The following CD36 variants were observed in gnomAD, a reference collection of about 807,000 sequenced individuals.
CD36 encodes CD36 molecule (CD36 blood group).
CD36 carries 119 observed loss-of-function variants against 55.2 expected under a neutral mutation model. The ratio of observed to expected loss-of-function variants is 2.15; its 90% CI spans 1.86 to 2.51. The LOEUF (loss-of-function observed/expected upper bound fraction) is 2.51. Ranked by LOEUF, CD36 falls within the 30% of genes most tolerant of loss-of-function variation. CD36 has a pLI of 0.00. For synonymous variants in CD36, 186 were observed against 193.6 expected (o/e 0.96, Z 0.33); for missense variants, 819 against 555.5 (o/e 1.47, Z -4.77).
intron 10 of CD36, 106 bp downstream of exon 10, chr7:80,671,270 T>C: frequency 4.3e-6 from 3 of 699,892 alleles, no homozygotes; most frequent in Non-Finnish European, 7.2e-6. Context: ...AAATATATCA[T>C]AATTTGTGAT....
chr7:80,675,807 T>C (rs571497051), intron 14 of CD36, among the ~76,000 whole-genome samples: 21 of 152,266 alleles, frequency 1.4e-4, no homozygotes, highest in Non-Finnish European at 1.8e-4. Flanking sequence ...CTTTAATGTG[T>C]GGTTTTACTC....
At chr7:80,623,915 GCAGCT>G (rs1303608471) in intron 1 of CD36, 2 of 152,196 alleles carry the variant, frequency 1.3e-5, no homozygotes, top group Non-Finnish European at 2.9e-5. Flanking sequence ...AGGGTGAAGA[GCAGCT>G]CATTTTTAAG....
intron 3 of CD36, among the ~76,000 whole-genome samples, chr7:80,654,404 G>A (rs1406755888): frequency 1.3e-5 from 2 of 152,156 alleles, no homozygotes; most frequent in Non-Finnish European, 2.9e-5. Flanking sequence ...TGAATAACAG[G>A]TATTGTTTTT....
upstream of CD36, among the ~76,000 whole-genome samples, chr7:80,637,548 G>T (rs1245031228): frequency 6.6e-6 from 1 of 150,842 alleles, no homozygotes; most frequent in Non-Finnish European, 1.5e-5. Flanking sequence ...AAAAATTCTT[G>T]AGGAGAAAAG....
At chr7:80,662,930 A>T in intron 5 of CD36, 60 bp from the exon 6 acceptor site, 1 of 1,342,404 alleles carries the variant, frequency 7.4e-7, no homozygotes, top group Non-Finnish European at 1.1e-6. Flanking sequence ...CATTTAATCC[A>T]TTTATTTGTT....
rs1395286674 is a variant in CD36, at chr7:80,646,774, G to A, written c.34G>A (p.Gly12Arg). 2.5e-5 allele frequency: 40 copies of A among 1,613,974 alleles called. No individual in the cohort carries two copies. Among genetic ancestry groups the A allele is most frequent in the Non-Finnish European group, 3.4e-5 (40 of 1,179,954 alleles). The change falls in exon 3 of 15, where the codon GGG (glycine) becomes AGG (arginine). Residue 12 changes from glycine to arginine, a missense_variant. Coordinates refer to ENST00000447544, the MANE Select transcript of CD36 (RefSeq NM_001001548.3). ...GCDRNCGLIA[G>R]AVIGAVLAVF... The stretch of plus-strand genomic sequence containing the variant: ...TGACCGGAACTGTGGGCTCATCGCT[G>A]GGGCTGTCATTGGTGCTGTCCTGGC...
intron 11 of CD36, among the ~76,000 whole-genome samples, chr7:80,672,536 AC>A (rs1230919122): frequency 6.6e-6 from 1 of 151,778 alleles, no homozygotes; most frequent in African/African-American, 2.4e-5. Context: ...ATTTCAAGTA[AC>A]TCACAAATCT....
intron 7 of CD36, among the ~76,000 whole-genome samples, chr7:80,665,284 TCA>T (rs1796963645): frequency 6.6e-6 from 1 of 151,902 alleles, no homozygotes; most frequent in Non-Finnish European, 1.5e-5. Flanking sequence ...CTAATAAATA[TCA>T]GAGGAACAAG....
intron 5 of CD36, 148 bp downstream of exon 5, chr7:80,661,358 C>A: frequency 2.7e-6 from 2 of 740,592 alleles, no homozygotes; most frequent in East Asian, 2.8e-5. Context: ...GAGGCATGGT[C>A]ATTTGGAAAG....
At chr7:80,658,792 G>A (rs146028127) in intron 4 of CD36, among the ~76,000 whole-genome samples, 2,352 of 152,202 alleles carry the variant, frequency 0.015, 28 homozygotes, top group Non-Finnish European at 0.022. Context: ...CACCATGCCC[G>A]ACCATATTTT....
chr7:80,650,927 C>CAA (rs59555088), intron 3 of CD36, among the ~76,000 whole-genome samples: 4,782 of 133,202 alleles, frequency 0.036, 216 homozygotes, highest in African/African-American at 0.12. Context: ...TGCAGTCTTT[C>CAA]AAAAAAAAAA....
In CD36 at chr7:80,674,054, C is replaced by A; in HGVS notation, c.1326C>A (p.Gly442=). The change falls in exon 14 of 15, where the codon GGC becomes GGA. Residue 442 remains glycine, a synonymous_variant. Coordinates refer to ENST00000447544, the MANE Select transcript of CD36 (RefSeq NM_001001548.3). ...SQVTGKINLL[G]LIEMILLSVG... ...TAACTGGAAAAATAAACCTCCTTGG[C>A]CTGATAGAAATGATCTTACTCAGTG... 1 of 1,611,336 alleles carries A rather than the reference C, an allele frequency of 6.2e-7. No homozygotes were observed. Among genetic ancestry groups the A allele is most frequent in the Non-Finnish European group, 8.5e-7 (1 of 1,178,094 alleles).
Position 80,678,909 on chromosome 7 carries a change from A to C in CD36, c.*2526A>C, listed in dbSNP as rs1798246736. The stretch of plus-strand genomic sequence containing the variant: ...TTATCAATGTCTGAGCTACATAATT[A>C]TCTTTCTAGTTGGAGTTTGTTTTAG... On this transcript the variant is annotated 3_prime_UTR_variant, in exon 15 of 15. Coordinates refer to ENST00000447544, the MANE Select transcript of CD36 (RefSeq NM_001001548.3). The C allele has an allele frequency of 6.6e-6, 1 of 151,294 alleles. No homozygotes were observed. Among genetic ancestry groups the C allele is most frequent in the Admixed American group, 6.6e-5 (1 of 15,184 alleles). 9.4% of individuals were successfully genotyped at this position (151,294 alleles called of 1,614,324 possible). A position where few individuals can be genotyped will look rare whatever the true frequency, so the allele number is the denominator to read the frequency against.
At position 80,673,994 on chromosome 7, in the gene CD36, T is replaced by TGGTGATGAGAAGGCAAACATGTTCA; in HGVS notation, c.1268_1292dup (p.Ser432Ter). Reference sequence around the variant, plus strand: ...TAACTTGATTACAGACTGGGACCATTGGTGATGAGAAGGCAAACATGTTCA... The same window carrying TGGTGATGAGAAGGCAAACATGTTCA: ...TAACTTGATTACAGACTGGGACCATTGGTGATGAGAAGGCAAACATGTTCAGGTGATGAGAAGGCAAACATGTTCA... On this transcript the variant is annotated frameshift_variant, in exon 14 of 15. Coordinates refer to ENST00000447544, the MANE Select transcript of CD36 (RefSeq NM_001001548.3). LOFTEE classifies it high-confidence loss of function. The TGGTGATGAGAAGGCAAACATGTTCA allele has an allele frequency of 6.2e-7, 1 of 1,611,804 alleles. No homozygotes were observed. Among genetic ancestry groups the TGGTGATGAGAAGGCAAACATGTTCA allele is most frequent in the Non-Finnish European group, 8.5e-7 (1 of 1,178,426 alleles).
intron 1 of CD36, among the ~76,000 whole-genome samples, chr7:80,631,162 A>G (rs1266777668): frequency 1.3e-5 from 2 of 151,980 alleles, no homozygotes; most frequent in African/African-American, 2.4e-5. Context: ...CATACCTACT[A>G]TTGTTTACTT....
At chr7:80,673,605 A>G in intron 13 of CD36, 196 bp downstream of exon 13, 1 of 572,694 alleles carries the variant, frequency 1.7e-6, no homozygotes, top group South Asian at 2.3e-5. Flanking sequence ...GATTTTCTTC[A>G]AAAATGCATC....
chr7:80,634,947 T>TA (rs929609349), upstream of CD36, among the ~76,000 whole-genome samples: 10 of 151,474 alleles, frequency 6.6e-5, no homozygotes, highest in East Asian at 1.9e-4. Flanking sequence ...ATTGTCAAAT[T>TA]AAAAAAAAAT....
At chr7:80,618,397 A>G (rs1450434196) in intron 1 of CD36, among the ~76,000 whole-genome samples, 1 of 152,170 alleles carries the variant, frequency 6.6e-6, no homozygotes, top group Non-Finnish European at 1.5e-5. Context: ...TCTAATGTTC[A>G]AGTGAATGGA....
At chr7:80,627,110 T>C (rs1793786499) in intron 1 of CD36, among the ~76,000 whole-genome samples, 1 of 152,092 alleles carries the variant, frequency 6.6e-6, no homozygotes, top group Admixed American at 6.6e-5. Flanking sequence ...TACTTAAGAC[T>C]TCATCATATT....
Sources: allele counts gnomAD v4.1 joint callset (sites outside exome capture counted in the v4.1 genomes callset), GRCh38; gene constraint gnomAD v4.1.1; transcripts MANE v1.5; gene names NCBI Gene and HGNC (gene_info 2026-07-23, HGNC 2026-07-21).